Variants in MTMR8 observed in about 807,000 individuals in gnomAD.
MTMR8 encodes the protein phosphatidylinositol-3,5-bisphosphate 3-phosphatase MTMR8.
Under a neutral mutation model 39.3 loss-of-function variants are expected in MTMR8, and 65 were observed. The observed-to-expected ratio is 1.65, with a 90% CI of 1.35 to 2.03. The LOEUF (loss-of-function observed/expected upper bound fraction) is 2.03. Ranked by LOEUF, MTMR8 falls within the 30% of genes most tolerant of loss-of-function variation. The pLI, the probability that MTMR8 is intolerant of heterozygous loss-of-function variation, is 0.00. For synonymous variants in MTMR8, 245 were observed against 185.2 expected (o/e 1.32, Z -2.62); for missense variants, 777 against 538.9 (o/e 1.44, Z -4.37).
At chrX:64,311,027 T>G (rs937344255) in intron 12 of MTMR8, among the ~76,000 whole-genome samples, 1 of 111,934 alleles carries the variant, frequency 8.9e-6, no homozygotes, top group African/African-American at 3.3e-5. Flanking sequence ...GTAATGGGAT[T>G]GCTGGGTCAA....
intron 12 of MTMR8, among the ~76,000 whole-genome samples, chrX:64,278,361 G>C (rs1482700057): frequency 9.5e-6 from 1 of 104,837 alleles, no homozygotes; most frequent in Non-Finnish European, 1.9e-5. Flanking sequence ...CCTCATTTTT[G>C]TGGATTTATC....
At chrX:64,286,068 T>C (rs1021046226) in intron 12 of MTMR8, among the ~76,000 whole-genome samples, 1 of 111,021 alleles carries the variant, frequency 9.0e-6, no homozygotes, top group Non-Finnish European at 1.9e-5. Flanking sequence ...ACAAAACTGA[T>C]AGACTGCCAG....
At chrX:64,275,961 A>T (rs1368981350) in intron 12 of MTMR8, among the ~76,000 whole-genome samples, 2 of 111,870 alleles carry the variant, frequency 1.8e-5, no homozygotes, top group Admixed American at 1.9e-4. Flanking sequence ...TGAATCAGGA[A>T]TCAAAAATCT....
intron 6 of MTMR8, 77 bp downstream of exon 6, chrX:64,348,583 A>ACACTGCAT: frequency 8.9e-7 from 1 of 1,123,925 alleles, no homozygotes; most frequent in Non-Finnish European, 1.2e-6. Flanking sequence ...TTTCCCAATA[A>ACACTGCAT]CACTGCATGT....
chrX:64,283,264 G>A (rs1921027796), intron 12 of MTMR8, among the ~76,000 whole-genome samples: 1 of 111,993 alleles, frequency 8.9e-6, no homozygotes, highest in South Asian at 3.7e-4. Context: ...CAAGGCAGCA[G>A]TGAGGCTAGG....
chrX:64,389,702 C>T (rs908957892), intron 1 of MTMR8, among the ~76,000 whole-genome samples: 1 of 111,670 alleles, frequency 9.0e-6, no homozygotes, highest in Admixed American at 9.5e-5. Flanking sequence ...ATACTAAAGC[C>T]TCTACTATTG....
intron 5 of MTMR8, 99 bp from the exon 6 acceptor site, chrX:64,348,893 A>G (rs776540300): frequency 3.2e-6 from 3 of 932,020 alleles, no homozygotes; most frequent in Non-Finnish European, 4.5e-6. Flanking sequence ...GGAGAGGATG[A>G]GCCAACTTAA....
intron 12 of MTMR8, among the ~76,000 whole-genome samples, chrX:64,278,593 C>A (rs1931934570): frequency 9.6e-6 from 1 of 104,145 alleles, no homozygotes. Context: ...CCTGCCTCAG[C>A]CTCCTGAGGA....
Position 64,351,854 on chromosome X carries a change from C to T in MTMR8, c.469-1784G>A, listed in dbSNP as rs780227355. Among the ~76,000 whole-genome samples the T allele has an allele frequency of 9.0e-5, 10 of 111,161 alleles. No individual in the cohort carries two copies. The East Asian group carries it at 2.9e-3, about 32-fold the overall frequency. On this transcript the variant is annotated intron_variant, in intron 4 of 13. Transcript: ENST00000374852. ...TTCTTCTGCCTGCTTTTTCTAGCTGCACTGGCAGCTGAGGGAATGGTGCCC... is the reference window on the plus strand; with the variant it reads ...TTCTTCTGCCTGCTTTTTCTAGCTGTACTGGCAGCTGAGGGAATGGTGCCC...
chrX:64,355,050 C>T (rs2147232265), intron 3 of MTMR8, 116 bp from the exon 4 acceptor site: 1 of 639,824 alleles, frequency 1.6e-6, no homozygotes, highest in East Asian at 3.8e-5. Flanking sequence ...TCAAACAGCC[C>T]CAGAAAAGGA....
chrX:64,300,953 G>T (rs1175361552), intron 12 of MTMR8, among the ~76,000 whole-genome samples: 2 of 109,471 alleles, frequency 1.8e-5, no homozygotes, highest in Non-Finnish European at 3.8e-5. Context: ...TCCGCTGTTA[G>T]TCTGATGGGC....
intron 6 of MTMR8, among the ~76,000 whole-genome samples, chrX:64,345,709 C>T (rs900213413): frequency 8.9e-6 from 1 of 111,871 alleles, no homozygotes; most frequent in African/African-American, 3.3e-5. Context: ...AACTCCTGGG[C>T]TCAGGCAATC....
At chrX:64,316,010 C>T (rs1376247492) in intron 12 of MTMR8, among the ~76,000 whole-genome samples, 2 of 110,612 alleles carry the variant, frequency 1.8e-5, no homozygotes, top group South Asian at 7.8e-4. Context: ...GTCTACAAAT[C>T]CTCCTTCCTT....
intron 12 of MTMR8, among the ~76,000 whole-genome samples, chrX:64,293,767 T>A (rs1198755829): frequency 8.9e-6 from 1 of 111,920 alleles, no homozygotes; most frequent in Non-Finnish European, 1.9e-5. Context: ...CCCTCACTCC[T>A]CACCCTGTCC....
intron 1 of MTMR8, among the ~76,000 whole-genome samples, chrX:64,361,206 T>A (rs1039314061): frequency 9.0e-6 from 1 of 111,601 alleles, no homozygotes; most frequent in African/African-American, 3.2e-5. Context: ...TAGTCAAAGA[T>A]TTTCCCTAAC....
chrX:64,286,730 G>C (rs1921192963), intron 12 of MTMR8, among the ~76,000 whole-genome samples: 2 of 111,711 alleles, frequency 1.8e-5, no homozygotes, highest in Non-Finnish European at 3.8e-5. Flanking sequence ...TATCTCAATA[G>C]ATGCAGAAAA....
intron 12 of MTMR8, among the ~76,000 whole-genome samples, chrX:64,301,378 A>T (rs1314882097): frequency 9.5e-6 from 1 of 105,089 alleles, no homozygotes; most frequent in Non-Finnish European, 2.0e-5. Flanking sequence ...TCGGCTCCTG[A>T]GGCTTCTGCA....
intron 12 of MTMR8, among the ~76,000 whole-genome samples, chrX:64,276,356 A>G (rs1256029977): frequency 9.0e-6 from 1 of 111,027 alleles, no homozygotes; most frequent in African/African-American, 3.3e-5. Context: ...TAGACCTAGA[A>G]CATCTCTAGT....
chrX:64,269,155 T>C, intron 13 of MTMR8, 112 bp from the exon 14 acceptor site: 1 of 798,211 alleles, frequency 1.3e-6, no homozygotes, highest in South Asian at 2.7e-5. Context: ...TGGTAGCAAA[T>C]GACCTTTTGC....
Sources: gnomAD v4.1 joint callset for allele counts (sites outside exome capture counted in the v4.1 genomes callset) on GRCh38, gnomAD v4.1.1 for gene constraint, MANE v1.5 for transcripts, NCBI Gene and HGNC (gene_info 2026-07-23, HGNC 2026-07-21) for gene names.